Variants in KIAA1217 observed in about 807,000 individuals in gnomAD.
KIAA1217 encodes KIAA1217.
In KIAA1217, 88 loss-of-function variants were observed where a neutral mutation model predicts 163.9. That is an observed-to-expected ratio of 0.54 (90% CI 0.45 to 0.64). The LOEUF (loss-of-function observed/expected upper bound fraction) is 0.64. Among genes scored for constraint, KIAA1217 ranks in the 30% least tolerant of loss-of-function variants. The pLI, the probability that KIAA1217 is intolerant of heterozygous loss-of-function variation, is 0.00. For missense variants in KIAA1217, 2,372 were observed against 2,475.0 expected (o/e 0.96, Z 0.88); for synonymous variants, 903 against 923.1 (o/e 0.98, Z 0.39).
chr10:24,304,599 G>A (rs2041790609), intron 2 of KIAA1217, among the ~76,000 whole-genome samples: 1 of 152,020 alleles, frequency 6.6e-6, no homozygotes, highest in African/African-American at 2.4e-5. Context: ...ACCTTTAAGT[G>A]CTGAGATTAC....
chr10:24,255,466 C>G, intron 2 of KIAA1217: 1 of 454,714 alleles, frequency 2.2e-6, no homozygotes, highest in Non-Finnish European at 4.4e-6. Flanking sequence ...CATTAAAGGT[C>G]TGGCTGATGT....
chr10:23,839,902 T>C (rs753925055), intron 1 of KIAA1217, among the ~76,000 whole-genome samples: 2 of 152,032 alleles, frequency 1.3e-5, no homozygotes, highest in African/African-American at 2.4e-5. Flanking sequence ...TCCAAATGAG[T>C]ACAGAAAAGA....
Position 24,544,410 on chromosome 10 carries a change from C to A in KIAA1217, c.5140C>A (p.Pro1714Thr). The change falls in exon 19 of 21, where the codon CCC becomes ACC. Residue 1714 changes from proline to threonine, a missense_variant. Pro to Thr is a conservative substitution (Grantham distance 38). Coordinates refer to ENST00000376454, the MANE Select transcript of KIAA1217 (RefSeq NM_019590.5). ...CATAGCCCAAGAGGCCTCTCCCCGA[C>A]CCTTGCTAGTTCCGGATGAAGGTCC... ...SHIAQEASPRPLLVPDEGPTA... is the reference protein window; with the variant it reads ...SHIAQEASPRTLLVPDEGPTA... The A allele has an allele frequency of 6.2e-7, 1 of 1,614,142 alleles. No homozygotes were observed. Among genetic ancestry groups the A allele is most frequent in the African/African-American group, 1.3e-5 (1 of 75,030 alleles).
At chr10:24,370,045 C>T (rs1441912294) in intron 2 of KIAA1217, among the ~76,000 whole-genome samples, 1 of 152,146 alleles carries the variant, frequency 6.6e-6, no homozygotes, top group Non-Finnish European at 1.5e-5. Flanking sequence ...GCAGGTAGAT[C>T]ACGAGGTCAG....
At chr10:24,218,652 C>A (rs1309473314) in intron 1 of KIAA1217, among the ~76,000 whole-genome samples, 1 of 151,984 alleles carries the variant, frequency 6.6e-6, no homozygotes, top group Non-Finnish European at 1.5e-5. Flanking sequence ...CCATGCCCAG[C>A]TAATTTTTTT....
At chr10:23,779,442 G>A (rs1354864155) in intron 1 of KIAA1217, among the ~76,000 whole-genome samples, 1 of 152,132 alleles carries the variant, frequency 6.6e-6, no homozygotes, top group Admixed American at 6.5e-5. Flanking sequence ...AGCCTCCAGA[G>A]TTGCTTATTC....
intron 2 of KIAA1217, chr10:24,368,987 T>C (rs936769352): frequency 1.5e-5 from 6 of 406,500 alleles, no homozygotes; most frequent in African/African-American, 1.1e-4. Flanking sequence ...AAAGGTTTCA[T>C]ATGGAGTTGC....
intron 1 of KIAA1217, among the ~76,000 whole-genome samples, chr10:24,003,664 T>A (rs922294484): frequency 6.6e-6 from 1 of 152,196 alleles, no homozygotes; most frequent in Admixed American, 6.5e-5. Flanking sequence ...GGGGTGGGTT[T>A]CACAACTGCT....
chr10:24,483,549 C>A (rs1355001593), intron 6 of KIAA1217, among the ~76,000 whole-genome samples: 3 of 152,052 alleles, frequency 2.0e-5, no homozygotes, highest in Non-Finnish European at 4.4e-5. Context: ...ATGTTTTTTT[C>A]TTTTCCCTAA....
intron 1 of KIAA1217, among the ~76,000 whole-genome samples, chr10:23,727,566 A>G (rs1474232810): frequency 6.6e-6 from 1 of 152,164 alleles, no homozygotes; most frequent in East Asian, 1.9e-4. Flanking sequence ...TCTCAAAAAA[A>G]TTTAAAAAAA....
intron 1 of KIAA1217, among the ~76,000 whole-genome samples, chr10:23,924,047 T>C (rs1044932746): frequency 1.3e-5 from 2 of 152,294 alleles, no homozygotes; most frequent in African/African-American, 4.8e-5. Flanking sequence ...ATAATTATGA[T>C]TTTTAAATGT....
At chr10:23,789,768 A>C (rs1205018109) in intron 1 of KIAA1217, among the ~76,000 whole-genome samples, 1 of 151,886 alleles carries the variant, frequency 6.6e-6, no homozygotes, top group South Asian at 2.1e-4. Context: ...GGAAGTTCTT[A>C]TAAGTACTAT....
At chr10:24,542,662 T>C (rs746263343) in intron 17 of KIAA1217, 31 bp from the exon 18 acceptor site, 105 of 1,605,558 alleles carry the variant, frequency 6.5e-5, no homozygotes, top group Non-Finnish European at 8.5e-5. Context: ...TGTGGTTTTG[T>C]GGAGTAACAT....
chr10:24,076,057 G>C (rs924106077), intron 2 of KIAA1217, among the ~76,000 whole-genome samples: 1 of 152,070 alleles, frequency 6.6e-6, no homozygotes, highest in African/African-American at 2.4e-5. Flanking sequence ...GGAATCACTT[G>C]GGGGGAGTAG....
intron 1 of KIAA1217, among the ~76,000 whole-genome samples, chr10:23,954,153 A>G (rs1257328287): frequency 1.3e-5 from 2 of 152,158 alleles, no homozygotes; most frequent in Non-Finnish European, 2.9e-5. Flanking sequence ...CTTTGTTTGT[A>G]TTTAAAACCA....
At chr10:24,515,352 G>A (rs2069928792) in intron 10 of KIAA1217, among the ~76,000 whole-genome samples, 2 of 152,168 alleles carry the variant, frequency 1.3e-5, no homozygotes, top group African/African-American at 4.8e-5. Context: ...ACAGGCATGA[G>A]CCACCACGCC....
chr10:24,406,714 A>T (rs1048762699), intron 3 of KIAA1217, among the ~76,000 whole-genome samples: 4 of 152,204 alleles, frequency 2.6e-5, no homozygotes, highest in Non-Finnish European at 5.9e-5. Flanking sequence ...CAGAAAAAAG[A>T]TTTGAAATGT....
At chr10:24,504,459 G>A (rs1306009783) in intron 9 of KIAA1217, among the ~76,000 whole-genome samples, 1 of 152,098 alleles carries the variant, frequency 6.6e-6, no homozygotes, top group Non-Finnish European at 1.5e-5. Context: ...TCAATCGAGG[G>A]AGTCTACTTA....
At chr10:23,719,378 C>T (rs11013657) in intron 1 of KIAA1217, among the ~76,000 whole-genome samples, 27,225 of 152,012 alleles carry the variant, frequency 0.18, 2,582 homozygotes, top group Middle Eastern at 0.25. Context: ...GCCAGGCATT[C>T]AAGACCAGCC....
Sources: allele counts gnomAD v4.1 joint callset (sites outside exome capture counted in the v4.1 genomes callset), GRCh38; gene constraint gnomAD v4.1.1; transcripts MANE v1.5; gene names NCBI Gene and HGNC (gene_info 2026-07-23, HGNC 2026-07-21).